DOCK9: variants seen among roughly 807,000 people sequenced by gnomAD.
DOCK9 encodes the protein dedicator of cytokinesis protein 9.
Under a neutral mutation model 263.3 loss-of-function variants are expected in DOCK9, and 89 were observed. That is an observed-to-expected ratio of 0.34 (90% CI 0.28 to 0.40). The LOEUF (loss-of-function observed/expected upper bound fraction) is 0.40, where lower values mean the gene tolerates loss of function less well. Ranked by LOEUF, DOCK9 falls within the 10% of genes least tolerant of loss-of-function variation. The pLI is 1.00. For synonymous variants in DOCK9, 976 were observed against 973.1 expected (o/e 1.00, Z -0.06); for missense variants, 2,140 against 2,603.4 (o/e 0.82, Z 3.87).
chr13:99,035,363 G>A (rs796924955), intron 1 of DOCK9, among the ~76,000 whole-genome samples: 7 of 152,274 alleles, frequency 4.6e-5, no homozygotes, highest in African/African-American at 1.7e-4. Context: ...TAGCAGTGCT[G>A]GTGGGCCTCT....
At chr13:99,051,389 C>T (rs538054992) in intron 1 of DOCK9, among the ~76,000 whole-genome samples, 2 of 152,190 alleles carry the variant, frequency 1.3e-5, no homozygotes, top group Admixed American at 6.5e-5. Flanking sequence ...CCTGAGGAGG[C>T]ACAACTTCTT....
chr13:98,832,794 T>G lies in DOCK9; in HGVS notation c.4315-1008A>C, dbSNP rs368572470. On this transcript the variant is annotated intron_variant, in intron 39 of 52. Transcript: ENST00000682017. ...GTGCATTCTGCACAAGTAGGCAGAT[T>G]TGACATTAATAAAAAAAAATGTCAA... Among the ~76,000 whole-genome samples, 35 of 152,358 alleles carry G rather than the reference T, an allele frequency of 2.3e-4. No individual in the cohort carries two copies. In the East Asian group the frequency reaches 6.7e-3, roughly 29 times the overall value.
upstream of DOCK9, among the ~76,000 whole-genome samples, chr13:98,980,804 A>G (rs868810490): frequency 1.3e-5 from 2 of 152,198 alleles, no homozygotes; most frequent in Non-Finnish European, 2.9e-5. Context: ...TGGCTTGATT[A>G]TGACAGCTGC....
rs372876418 is a variant in DOCK9, at chr13:98,902,372, G to A, written c.1296C>T (p.Ser432=). The A allele has an allele frequency of 2.7e-5, 43 of 1,613,908 alleles. No homozygotes were observed. Among genetic ancestry groups the A allele is most frequent in the Non-Finnish European group, 3.4e-5 (40 of 1,179,890 alleles). The change falls in exon 12 of 53, where the codon TCC becomes TCT. Residue 432 remains serine (S), a synonymous_variant. Coordinates refer to ENST00000682017, the MANE Select transcript of DOCK9 (RefSeq NM_001366683.2). ...GCCCACTGCCATTCATCAGCGCCGG[G>A]GACGTGGTGGCGAGCATTTGCCTCA... ...FSVRQMLATT[S]PALMNGSGQS...
At chr13:98,923,444 T>A in intron 4 of DOCK9, 73 bp from the exon 5 acceptor site, 1 of 1,248,738 alleles carries the variant, frequency 8.0e-7, no homozygotes, top group Non-Finnish European at 1.2e-6. Context: ...TCTTCCTCCA[T>A]CATAGGGCCC....
intron 41 of DOCK9, among the ~76,000 whole-genome samples, chr13:98,830,291 C>T (rs541718195): frequency 6.6e-6 from 1 of 152,294 alleles, no homozygotes; most frequent in African/African-American, 2.4e-5. Context: ...TTTTCCTTCA[C>T]CACACCCAGT....
chr13:98,844,505 T>G (rs1260992799), intron 38 of DOCK9, among the ~76,000 whole-genome samples: 1 of 152,086 alleles, frequency 6.6e-6, no homozygotes, highest in Non-Finnish European at 1.5e-5. Flanking sequence ...TGGGATTACA[T>G]GTGTGTGCCA....
chr13:98,824,274 A>T, intron 45 of DOCK9, 124 bp downstream of exon 45: 1 of 755,876 alleles, frequency 1.3e-6, no homozygotes, highest in Non-Finnish European at 2.2e-6. Flanking sequence ...CATCTCAGTT[A>T]GAGCTATGTG....
chr13:98,920,512 G>A (rs1314756341), intron 7 of DOCK9, among the ~76,000 whole-genome samples: 1 of 152,088 alleles, frequency 6.6e-6, no homozygotes, highest in East Asian at 1.9e-4. Context: ...GAGGAGCAGG[G>A]ATTTGAACTC....
Position 98,826,814 on chromosome 13 carries a change from G to A in DOCK9, c.5023+16C>T, listed in dbSNP as rs376836999. 7.6e-5 allele frequency: 121 copies of A among 1,594,402 alleles called. No individual in the cohort carries two copies. The African/African-American group carries it at 1.4e-3, about 18-fold the overall frequency. Reference sequence around the variant, plus strand: ...TATACTAATTAATTTCACAAAACATGAGAATAATTCCTTACCTTTCCGTGT... The same window carrying A: ...TATACTAATTAATTTCACAAAACATAAGAATAATTCCTTACCTTTCCGTGT... On this transcript the variant is annotated intron_variant, in intron 44 of 52. Coordinates refer to ENST00000682017, the MANE Select transcript of DOCK9 (RefSeq NM_001366683.2).
intron 1 of DOCK9, among the ~76,000 whole-genome samples, chr13:99,073,635 C>G (rs1046376362): frequency 2.0e-5 from 3 of 152,126 alleles, no homozygotes; most frequent in African/African-American, 7.2e-5. Flanking sequence ...AAGGGCAGTC[C>G]TGATCATAAA....
chr13:98,994,344 G>C (rs1450431386), intron 1 of DOCK9, among the ~76,000 whole-genome samples: 1 of 152,204 alleles, frequency 6.6e-6, no homozygotes, highest in Admixed American at 6.5e-5. Flanking sequence ...CTATCTGGAA[G>C]CATTTTTGGC....
In DOCK9 at chr13:99,016,271, T is replaced by A. The variant is rs528935888; in HGVS notation, c.130-60720A>T. ...GCTATGGAAACACATGCAAGCCCAC[T>A]TCAAACAATCTTTTGCACGTATGGA... On this transcript the variant is annotated intron_variant, in intron 1 of 32. Coordinates refer to the DOCK9 transcript ENST00000427887. 9.8e-4 allele frequency among the ~76,000 whole-genome samples: 149 copies of A among 152,230 alleles called. 2 individuals carry two copies. Among genetic ancestry groups the A allele is most frequent in the African/African-American group, 3.4e-3 (142 of 41,534 alleles).
At chr13:99,023,273 C>G (rs1000388255) in intron 1 of DOCK9, among the ~76,000 whole-genome samples, 1 of 152,198 alleles carries the variant, frequency 6.6e-6, no homozygotes, top group Non-Finnish European at 1.5e-5. Context: ...AATGTGGTAT[C>G]TACACACACA....
At chr13:98,840,968 T>C (rs2093188667) in intron 38 of DOCK9, among the ~76,000 whole-genome samples, 1 of 152,250 alleles carries the variant, frequency 6.6e-6, no homozygotes, top group Non-Finnish European at 1.5e-5. Flanking sequence ...TATTAACTCA[T>C]GGCATATGGT....
chr13:98,963,228 T>G (rs1237974000), intron 1 of DOCK9, among the ~76,000 whole-genome samples: 1 of 151,884 alleles, frequency 6.6e-6, no homozygotes, highest in Admixed American at 6.6e-5. Flanking sequence ...CCCCCCACCC[T>G]TCAATCTCTT....
intron 1 of DOCK9, among the ~76,000 whole-genome samples, chr13:99,075,878 T>C (rs2041890191): frequency 6.7e-6 from 1 of 150,174 alleles, no homozygotes; most frequent in Non-Finnish European, 1.5e-5. Flanking sequence ...TTCATGACCA[T>C]CTGCTTTCAG....
upstream of DOCK9, chr13:99,088,293 C>G (rs1227292012): frequency 6.6e-6 from 1 of 152,304 alleles, no homozygotes; most frequent in Non-Finnish European, 1.5e-5. Context: ...CAGACCTCTT[C>G]TGTCCTAAGA....
intron 38 of DOCK9, among the ~76,000 whole-genome samples, chr13:98,844,630 T>C (rs1317548000): frequency 1.3e-5 from 2 of 152,174 alleles, no homozygotes; most frequent in African/African-American, 2.4e-5. Context: ...CACCAGCAGC[T>C]TGGCCTCCCA....
Sources: gnomAD v4.1 joint callset for allele counts (sites outside exome capture counted in the v4.1 genomes callset) on GRCh38, gnomAD v4.1.1 for gene constraint, MANE v1.5 for transcripts, NCBI Gene and HGNC (gene_info 2026-07-23, HGNC 2026-07-21) for gene names.